Variants in CCDC70 observed in about 807,000 individuals in gnomAD.
CCDC70 encodes coiled-coil domain-containing protein 70.
A neutral mutation model predicts 9.1 loss-of-function variants in CCDC70; 4 were observed. The ratio of observed to expected loss-of-function variants is 0.44; its 90% CI spans 0.22 to 1.00. The LOEUF is 1.00. CCDC70 is among the 50% of genes least tolerant of loss of function. CCDC70 has a pLI of 0.25. For synonymous variants in CCDC70, 119 were observed against 94.0 expected (o/e 1.27, Z -1.54); for missense variants, 308 against 271.3 (o/e 1.14, Z -0.95).
intron 1 of CCDC70, among the ~76,000 whole-genome samples, 155 bp from the exon 2 acceptor site, chr13:51,865,177 C>A (rs892756041): frequency 2.6e-5 from 4 of 152,236 alleles, no homozygotes; most frequent in African/African-American, 9.6e-5. Flanking sequence ...GCCATGACCA[C>A]CCCACATGTT....
In CCDC70 at chr13:51,865,582, G is replaced by T. The variant is rs753090530; in HGVS notation, c.171G>T (p.Glu57Asp). ...AAAAAATAGAGGACTTCAGGGAAGA[G>T]ATGTGGACTTTCCGAGGCAAGATCC... ...FREKIEDFRE[E>D]MWTFRGKIHA... Residue 57 changes from glutamate (E) to aspartate (D), a missense_variant, in exon 2 of 2, where the codon GAG becomes GAT. By Grantham distance (45) the Glu-to-Asp change is conservative. Transcript: ENST00000242819. 1 of 1,614,240 alleles carries T rather than the reference G, an allele frequency of 6.2e-7. No homozygotes were observed. Among genetic ancestry groups the T allele is most frequent in the Non-Finnish European group, 8.5e-7 (1 of 1,180,046 alleles).
At chr13:51,864,360 C>T (rs1956404567) in intron 1 of CCDC70, among the ~76,000 whole-genome samples, 1 of 152,186 alleles carries the variant, frequency 6.6e-6, no homozygotes, top group Admixed American at 6.5e-5. Context: ...TCCAAATCCT[C>T]CCACACCAGC....
chr13:51,862,890 C>T (rs1956392037), intron 1 of CCDC70, among the ~76,000 whole-genome samples: 1 of 152,202 alleles, frequency 6.6e-6, no homozygotes, highest in African/African-American at 2.4e-5. Flanking sequence ...CCAATTCCCT[C>T]CTATATAGGC....
Position 51,865,539 on chromosome 13 carries a change from A to C in CCDC70, c.128A>C (p.Glu43Ala). ...KLQEEKAFRE[E>A]MKIFREKIED... is the part of the protein sequence containing the mutation. The stretch of plus-strand genomic sequence containing the variant: ...CAGGAGGAAAAGGCTTTTCGCGAAG[A>C]GATGAAAATTTTTCGTGAAAAAATA... The change falls in exon 2 of 2, where the codon GAG becomes GCG. Residue 43 changes from glutamate (E) to alanine (A), a missense_variant. By Grantham distance (107) the Glu-to-Ala change is moderately radical. Coordinates refer to ENST00000242819, the MANE Select transcript of CCDC70 (RefSeq NM_031290.4). 1 of 1,614,226 alleles carries C rather than the reference A, an allele frequency of 6.2e-7. No homozygotes were observed. The highest frequency in any genetic ancestry group is 8.5e-7 in the Non-Finnish European group (1 of 1,180,044).
chr13:51,863,952 T>C (rs1012832365), intron 1 of CCDC70, among the ~76,000 whole-genome samples: 14 of 152,142 alleles, frequency 9.2e-5, no homozygotes, highest in Admixed American at 6.5e-5. Flanking sequence ...TCTAACCACC[T>C]TCCTATGTCC....
Position 51,865,940 on chromosome 13 carries a change from G to T in CCDC70, c.529G>T (p.Glu177Ter), listed in dbSNP as rs749472352. 20 of 1,613,964 alleles carry T rather than the reference G, an allele frequency of 1.2e-5. No individual in the cohort carries two copies. The Admixed American group carries it at 2.7e-4, about 22-fold the overall frequency. The change falls in exon 2 of 2, where the codon GAG becomes TAG. Residue 177 changes from glutamate to a stop codon, truncating the protein, a stop_gained. Coordinates refer to ENST00000242819, the MANE Select transcript of CCDC70 (RefSeq NM_031290.4). LOFTEE classifies it low-confidence loss of function (END_TRUNC). ...WEDKTSLWEE[E>*]NALWEEERAF... is the part of the protein sequence containing the mutation. Reference sequence around the variant, plus strand: ...AGATAAAACGTCCCTCTGGGAGGAAGAGAATGCCCTCTGGGAGGAAGAGAG... The same window carrying T: ...AGATAAAACGTCCCTCTGGGAGGAATAGAATGCCCTCTGGGAGGAAGAGAG...
chr13:51,865,328 A>G lies in CCDC70; in HGVS notation c.-80-4A>G, dbSNP rs1956411525. Reference sequence around the variant, plus strand: ...TAGATCTGTCTTTTCTGCTGCCCCCACAGGGTCTGACCAGCCGACCTGGAC... The same window carrying G: ...TAGATCTGTCTTTTCTGCTGCCCCCGCAGGGTCTGACCAGCCGACCTGGAC... On this transcript the variant is annotated splice_polypyrimidine_tract_variant and splice_region_variant and intron_variant, in intron 1 of 1. Coordinates refer to ENST00000242819, the MANE Select transcript of CCDC70 (RefSeq NM_031290.4). 1 of 1,474,364 alleles carries G rather than the reference A, an allele frequency of 6.8e-7. No individual in the cohort carries two copies. Among genetic ancestry groups the G allele is most frequent in the Non-Finnish European group, 9.1e-7 (1 of 1,093,312 alleles). 91.3% of individuals were successfully genotyped at this position (1,474,364 alleles called of 1,614,324 possible). A position where few individuals can be genotyped will look rare whatever the true frequency, so the allele number is the denominator to read the frequency against.
In CCDC70 at chr13:51,865,468, G is replaced by A. The variant is rs112168960; in HGVS notation, c.57G>A (p.Ala19=). 5.2e-5 allele frequency: 84 copies of A among 1,614,040 alleles called. No individual in the cohort carries two copies. Among genetic ancestry groups the A allele is most frequent in the African/African-American group, 2.1e-4 (16 of 74,926 alleles). ...WMGLACFRSL[A]ASSPSIRQKK... ...GGCTTGCCTGCTTCCGGTCCCTGGC[G>A]GCATCCTCTCCCAGTATTCGCCAGA... Residue 19 remains alanine, a synonymous_variant, in exon 2 of 2, where the codon GCG becomes GCA. Coordinates refer to ENST00000242819, the MANE Select transcript of CCDC70 (RefSeq NM_031290.4).
rs761842675 is a variant in CCDC70 at position 51,861,981 on chromosome 13, A to C, written c.-329A>C. 1.3e-5 allele frequency: 2 copies of C among 152,300 alleles called. No individual in the cohort carries two copies. Among genetic ancestry groups the C allele is most frequent in the Non-Finnish European group, 2.9e-5 (2 of 68,052 alleles). The allele number at this position is 152,300 out of a possible 1,614,324, so 9.4% of individuals were successfully genotyped here. ...CATCAACAGCACTGCCCTATCAGTG[A>C]AGTCAAAGATTGAAGAGGAACTCTT... is the stretch of plus-strand genomic sequence containing the variant. On this transcript the variant is annotated 5_prime_UTR_variant, in exon 1 of 2. Coordinates refer to ENST00000242819, the MANE Select transcript of CCDC70 (RefSeq NM_031290.4).
rs1326438445 is a variant in CCDC70, at chr13:51,865,759, T to C, written c.348T>C (p.Thr116=). 2 of 1,614,084 alleles carry C rather than the reference T, an allele frequency of 1.2e-6. No individual in the cohort carries two copies. The highest frequency in any genetic ancestry group is 1.7e-6 in the Non-Finnish European group (2 of 1,179,998). Residue 116 remains threonine (T), a synonymous_variant, in exon 2 of 2, where the codon ACT becomes ACC. Transcript: ENST00000242819. ...AAACTTTCTGGAAAAAGTACCGCAC[T>C]TTCTGGAAGGAGGATAAGGCCTTCT... is the stretch of plus-strand genomic sequence containing the variant. The part of the protein sequence containing the change: ...EEKTFWKKYR[T]FWKEDKAFWK...
chr13:51,865,182 CAT>C (rs1330726581), intron 1 of CCDC70, 148 bp from the exon 2 acceptor site: 11 of 521,180 alleles, frequency 2.1e-5, no homozygotes, highest in South Asian at 3.8e-5. Flanking sequence ...GACCACCCCA[CAT>C]GTTTTTCTAC....
At chr13:51,863,255 G>C (rs1414016446) in intron 1 of CCDC70, among the ~76,000 whole-genome samples, 1 of 152,212 alleles carries the variant, frequency 6.6e-6, no homozygotes, top group Non-Finnish European at 1.5e-5. Flanking sequence ...AAGCAAGCTG[G>C]AGTTGGGCTG....
At chr13:51,863,663 G>T (rs556334453) in intron 1 of CCDC70, among the ~76,000 whole-genome samples, 1 of 118,904 alleles carries the variant, frequency 8.4e-6, no homozygotes, top group Non-Finnish European at 1.7e-5. Flanking sequence ...TCATATGCAC[G>T]CGCACACAGA....
At chr13:51,865,280 C>G in intron 1 of CCDC70, 52 bp from the exon 2 acceptor site, 1 of 940,304 alleles carries the variant, frequency 1.1e-6, no homozygotes, top group Non-Finnish European at 1.6e-6. Flanking sequence ...AACCAAGGGC[C>G]GTCCCCTGGC....
chr13:51,865,993 C>G lies in CCDC70; in HGVS notation c.582C>G (p.His194Gln). The G allele has an allele frequency of 4.3e-6, 7 of 1,613,750 alleles. No homozygotes were observed. Among genetic ancestry groups the G allele is most frequent in the Non-Finnish European group, 5.9e-6 (7 of 1,179,890 alleles). Reference protein sequence around the residue: ...ERAFWMENNGHIAGEQMLEDG... With the variant: ...ERAFWMENNGQIAGEQMLEDG... ...CCTTCTGGATGGAGAACAATGGCCA[C>G]ATTGCCGGAGAGCAGATGCTCGAAG... The change falls in exon 2 of 2, where the codon CAC (histidine) becomes CAG (glutamine). Residue 194 changes from histidine (H) to glutamine (Q), a missense_variant. His to Gln is a conservative substitution (Grantham distance 24, BLOSUM62 0). Coordinates refer to ENST00000242819, the MANE Select transcript of CCDC70 (RefSeq NM_031290.4).
intron 1 of CCDC70, 103 bp from the exon 2 acceptor site, chr13:51,865,229 C>A: frequency 1.7e-6 from 1 of 603,244 alleles, no homozygotes; most frequent in Non-Finnish European, 2.8e-6. Context: ...ACCATGTGGA[C>A]AAAGAGCAGT....
intron 1 of CCDC70, among the ~76,000 whole-genome samples, chr13:51,862,441 T>A (rs1490406984): frequency 6.6e-6 from 1 of 152,258 alleles, no homozygotes; most frequent in Admixed American, 6.5e-5. Flanking sequence ...TTGATATGGT[T>A]CTTATTTTCT....
rs1956415201 is a variant in CCDC70, at chr13:51,865,572, T to G, written c.161T>G (p.Phe54Cys). 2.5e-6 allele frequency: 4 copies of G among 1,614,208 alleles called. No individual in the cohort carries two copies. In the East Asian group the frequency reaches 8.9e-5, roughly 36 times the overall value. The change falls in exon 2 of 2, where the codon TTC becomes TGC. Residue 54 changes from phenylalanine to cysteine, a missense_variant. Coordinates refer to ENST00000242819, the MANE Select transcript of CCDC70 (RefSeq NM_031290.4). ...MKIFREKIED[F>C]REEMWTFRGK... ...ATTTTTCGTGAAAAAATAGAGGACTTCAGGGAAGAGATGTGGACTTTCCGA... is the reference window on the plus strand; with the variant it reads ...ATTTTTCGTGAAAAAATAGAGGACTGCAGGGAAGAGATGTGGACTTTCCGA...
At chr13:51,862,653 C>G (rs1013576530) in intron 1 of CCDC70, among the ~76,000 whole-genome samples, 1 of 152,144 alleles carries the variant, frequency 6.6e-6, no homozygotes, top group Non-Finnish European at 1.5e-5. Context: ...CATGCTCAGT[C>G]TGAGCTTAGG....
Sources: allele counts gnomAD v4.1 joint callset (sites outside exome capture counted in the v4.1 genomes callset), GRCh38; gene constraint gnomAD v4.1.1; transcripts MANE v1.5; gene names NCBI Gene and HGNC (gene_info 2026-07-23, HGNC 2026-07-21).